The following NALCN variants were observed in gnomAD, a reference collection of about 807,000 sequenced individuals.
The protein encoded by NALCN is sodium leak channel NALCN.
In NALCN, 111 loss-of-function variants were observed where a neutral mutation model predicts 225.3. The ratio of observed to expected loss-of-function variants is 0.49; its 90% CI spans 0.42 to 0.58. The LOEUF (loss-of-function observed/expected upper bound fraction) is 0.58, where lower values mean the gene tolerates loss of function less well. Among genes scored for constraint, NALCN ranks in the 20% least tolerant of loss-of-function variants. NALCN has a pLI of 0.00. For missense variants in NALCN, 1,378 were observed against 2,202.4 expected (o/e 0.63, Z 7.49); for synonymous variants, 764 against 769.0 (o/e 0.99, Z 0.11).
chr13:101,212,224 A>AT (rs1354346046), intron 13 of NALCN, among the ~76,000 whole-genome samples: 1 of 152,138 alleles, frequency 6.6e-6, no homozygotes, highest in Non-Finnish European at 1.5e-5. Context: ...ATTCACCCCT[A>AT]AAGACAAATC....
At chr13:101,238,138 T>C (rs918022827) in intron 11 of NALCN, among the ~76,000 whole-genome samples, 18 of 151,874 alleles carry the variant, frequency 1.2e-4, no homozygotes, top group African/African-American at 3.6e-4. Flanking sequence ...AAAAACATGT[T>C]ATGATTTTGA....
intron 10 of NALCN, among the ~76,000 whole-genome samples, chr13:101,279,542 C>T (rs887103852): frequency 6.6e-6 from 1 of 152,224 alleles, no homozygotes; most frequent in South Asian, 2.1e-4. Context: ...AAGGGCCGGG[C>T]GCGGTGGCTC....
chr13:101,244,115 TAGGCA>T (rs1403099067), intron 11 of NALCN, among the ~76,000 whole-genome samples: 2 of 152,106 alleles, frequency 1.3e-5, no homozygotes, highest in African/African-American at 4.8e-5. Context: ...GAAGCAGTAA[TAGGCA>T]TTCATTACAT....
chr13:101,188,478 A>C (rs183866356), intron 14 of NALCN, among the ~76,000 whole-genome samples: 17 of 152,156 alleles, frequency 1.1e-4, no homozygotes, highest in Admixed American at 3.9e-4. Flanking sequence ...AAACTAAGAA[A>C]ACTTAATATT....
At chr13:101,322,564 T>C (rs1393628062) in intron 7 of NALCN, among the ~76,000 whole-genome samples, 3 of 152,242 alleles carry the variant, frequency 2.0e-5, no homozygotes, top group Non-Finnish European at 4.4e-5. Context: ...TGAAGTCTAA[T>C]ATCGTAGCAG....
intron 12 of NALCN, among the ~76,000 whole-genome samples, chr13:101,235,167 C>T (rs1254779331): frequency 2.0e-5 from 3 of 151,916 alleles, no homozygotes; most frequent in Non-Finnish European, 4.4e-5. Flanking sequence ...AAACTCATCA[C>T]AATTATAATT....
At chr13:101,065,103 G>A (rs963391566) in intron 40 of NALCN, among the ~76,000 whole-genome samples, 1 of 152,158 alleles carries the variant, frequency 6.6e-6, no homozygotes, top group Non-Finnish European at 1.5e-5. Context: ...GGGTGGGACT[G>A]TGCTCTCCCA....
intron 14 of NALCN, among the ~76,000 whole-genome samples, chr13:101,184,292 G>A (rs9585648): frequency 0.23 from 34,968 of 152,016 alleles, 4,625 homozygotes; most frequent in Non-Finnish European, 0.3. Context: ...GATATAATAG[G>A]ATTTTGACCT....
At chr13:101,362,096 G>C (rs2046266952) in intron 6 of NALCN, among the ~76,000 whole-genome samples, 1 of 151,852 alleles carries the variant, frequency 6.6e-6, no homozygotes, top group African/African-American at 2.4e-5. Context: ...AATTTTAAAA[G>C]AGATATATAG....
intron 7 of NALCN, among the ~76,000 whole-genome samples, chr13:101,340,649 C>G (rs960910474): frequency 1.3e-5 from 2 of 152,132 alleles, no homozygotes; most frequent in South Asian, 4.1e-4. Flanking sequence ...GGCTGTCACA[C>G]TAATATAAAG....
At chr13:101,081,440 G>T in intron 34 of NALCN, 87 bp downstream of exon 34, 1 of 1,579,334 alleles carries the variant, frequency 6.3e-7, no homozygotes, top group Non-Finnish European at 8.6e-7. Context: ...AGGTTGATGT[G>T]GAGTAAAATG....
intron 11 of NALCN, among the ~76,000 whole-genome samples, chr13:101,239,520 C>T (rs2041682186): frequency 6.6e-6 from 1 of 151,984 alleles, no homozygotes; most frequent in African/African-American, 2.4e-5. Flanking sequence ...GTGGATATCC[C>T]TCCAGATTAA....
At chr13:101,227,436 T>G (rs73560740) in intron 13 of NALCN, among the ~76,000 whole-genome samples, 1 of 151,964 alleles carries the variant, frequency 6.6e-6, no homozygotes, top group Non-Finnish European at 1.5e-5. Flanking sequence ...AACCCAGAGA[T>G]TGACTCCTTG....
intron 10 of NALCN, among the ~76,000 whole-genome samples, chr13:101,270,837 C>T (rs1171645265): frequency 6.6e-6 from 1 of 152,132 alleles, no homozygotes; most frequent in Non-Finnish European, 1.5e-5. Context: ...GTGTATTTAA[C>T]CTGGAGATCA....
chr13:101,229,134 C>T (rs1045258076), intron 13 of NALCN, among the ~76,000 whole-genome samples: 2 of 152,106 alleles, frequency 1.3e-5, no homozygotes, highest in Non-Finnish European at 2.9e-5. Flanking sequence ...AGAACCCTAG[C>T]ATTCAGGTTT....
At position 101,263,979 on chromosome 13, in the gene NALCN, A is replaced by G. The variant is rs555895019; in HGVS notation, c.1135-5405T>C. 4.7e-4 allele frequency among the ~76,000 whole-genome samples: 72 copies of G among 152,330 alleles called. 2 individuals are homozygous for G. Among genetic ancestry groups the G allele is most frequent in the African/African-American group, 1.7e-3 (69 of 41,576 alleles). On this transcript the variant is annotated intron_variant, in intron 10 of 43. Transcript: ENST00000251127. ...TACATTTAGATTCATCCTTGTATCT[A>G]CAGGAAAGTCCAAATTTATACTTTT...
At chr13:101,333,544 T>A (rs2045260264) in intron 7 of NALCN, among the ~76,000 whole-genome samples, 1 of 152,258 alleles carries the variant, frequency 6.6e-6, no homozygotes, top group East Asian at 1.9e-4. Flanking sequence ...CTAGAAGCAC[T>A]TTGTCAAAGG....
chr13:101,202,672 C>A (rs1391125718), intron 13 of NALCN, among the ~76,000 whole-genome samples: 2 of 152,128 alleles, frequency 1.3e-5, no homozygotes, highest in Admixed American at 6.6e-5. Flanking sequence ...GAAATGGGTT[C>A]CCTCCTCACA....
chr13:101,151,666 T>C (rs1446650706), intron 15 of NALCN, among the ~76,000 whole-genome samples: 1 of 152,234 alleles, frequency 6.6e-6, no homozygotes, highest in Non-Finnish European at 1.5e-5. Flanking sequence ...TTTTTCTGTA[T>C]CTATATATAT....
Sources: gnomAD v4.1 joint callset for allele counts (sites outside exome capture counted in the v4.1 genomes callset) on GRCh38, gnomAD v4.1.1 for gene constraint, MANE v1.5 for transcripts, NCBI Gene and HGNC (gene_info 2026-07-23, HGNC 2026-07-21) for gene names.